The following INTS8 variants were observed in gnomAD, a reference collection of about 807,000 sequenced individuals.
The protein encoded by INTS8 is protein kaonashi-1.
In INTS8, 47 loss-of-function variants were observed where a neutral mutation model predicts 138.9. That is an observed-to-expected ratio of 0.34 (90% CI 0.27 to 0.43). The LOEUF (loss-of-function observed/expected upper bound fraction) is 0.43, where lower values mean the gene tolerates loss of function less well. INTS8 is among the 20% of genes least tolerant of loss of function. The pLI, the probability that INTS8 is intolerant of heterozygous loss-of-function variation, is 1.00. For missense variants in INTS8, 996 were observed against 1,173.0 expected (o/e 0.85, Z 2.20); for synonymous variants, 392 against 400.9 (o/e 0.98, Z 0.27).
chr8:94,857,071 CTTTTTTTT>C (rs376956021), intron 15 of INTS8, 93 bp downstream of exon 15: 4 of 546,876 alleles, frequency 7.3e-6, no homozygotes, highest in African/African-American at 2.2e-5. Context: ...AGTTTGTAAT[CTTTTTTTT>C]TTTTTTTTTT....
Position 94,867,166 on chromosome 8 carries a change from ATCAC to A in INTS8, c.2325_2328del (p.Phe777Ter). 6.2e-7 allele frequency: 1 copy of A among 1,610,504 alleles called. No homozygotes were observed. The highest frequency in any genetic ancestry group is 8.5e-7 in the Non-Finnish European group (1 of 1,178,036). On this transcript the variant is annotated frameshift_variant, in exon 19 of 27. Transcript: ENST00000523731. LOFTEE classifies it high-confidence loss of function. Reference sequence around the variant, plus strand: ...AACCACTCGTTTTGACTATTATTTTATCACTCTTTGTGAAACTTCACAATGTTCG... The same window carrying A: ...AACCACTCGTTTTGACTATTATTTTATCTTTGTGAAACTTCACAATGTTCG...
At chr8:94,858,972 A>G (rs1815852772) in intron 15 of INTS8, among the ~76,000 whole-genome samples, 1 of 152,176 alleles carries the variant, frequency 6.6e-6, no homozygotes, top group Non-Finnish European at 1.5e-5. Flanking sequence ...ACAGTGTTTA[A>G]AATAAGAAGG....
intron 15 of INTS8, among the ~76,000 whole-genome samples, chr8:94,858,159 A>C (rs1815822198): frequency 6.6e-6 from 1 of 152,250 alleles, no homozygotes; most frequent in Non-Finnish European, 1.5e-5. Flanking sequence ...CTGCTTTAGA[A>C]GTATTTAGAG....
intron 13 of INTS8, among the ~76,000 whole-genome samples, chr8:94,852,255 T>C (rs1439366402): frequency 6.6e-6 from 1 of 152,138 alleles, no homozygotes; most frequent in African/African-American, 2.4e-5. Context: ...ATTTTAAATA[T>C]AGTTGTAAAT....
chr8:94,873,608 A>C, intron 22 of INTS8, 131 bp downstream of exon 22: 1 of 661,078 alleles, frequency 1.5e-6, no homozygotes, highest in Admixed American at 2.6e-5. Flanking sequence ...TCTAGAACAC[A>C]TTGCTCTGTG....
chr8:94,867,238 TTTC>T, intron 19 of INTS8, 35 bp from the exon 20 acceptor site: 1 of 1,600,818 alleles, frequency 6.2e-7, no homozygotes, highest in Non-Finnish European at 8.5e-7. Flanking sequence ...TTAAAAGAAA[TTTC>T]TTTGTAAATC....
intron 13 of INTS8, among the ~76,000 whole-genome samples, chr8:94,853,584 T>C (rs932448397): frequency 2.0e-5 from 3 of 152,218 alleles, no homozygotes; most frequent in African/African-American, 7.2e-5. Flanking sequence ...TGTGCCTTTT[T>C]TTCCTAATAG....
intron 7 of INTS8, 98 bp from the exon 8 acceptor site, chr8:94,838,365 G>T: frequency 9.6e-7 from 1 of 1,038,076 alleles, no homozygotes. Flanking sequence ...TGAATTTTTC[G>T]TTAGCATTTC....
Position 94,841,494 on chromosome 8 carries a change from G to A in INTS8, c.1021G>A (p.Val341Ile). 1 of 1,562,224 alleles carries A rather than the reference G, an allele frequency of 6.4e-7. No individual in the cohort carries two copies. Among genetic ancestry groups the A allele is most frequent in the Non-Finnish European group, 8.8e-7 (1 of 1,137,350 alleles). ...CAACTTTATGTGTGTGTTCTAGGAG[G>A]TAATACAGATTTTCATTGAAGACAA... is the stretch of plus-strand genomic sequence containing the variant. Reference protein sequence around the residue: ...ICLRSGNYQEVIQIFIEDNLT... With the variant: ...ICLRSGNYQEIIQIFIEDNLT... The change falls in exon 9 of 27, where the codon GTA (valine) becomes ATA (isoleucine). Residue 341 changes from valine to isoleucine, a missense_variant. Transcript: ENST00000523731.
chr8:94,823,588 G>T, intron 1 of INTS8, 27 bp downstream of exon 1: 1 of 1,502,238 alleles, frequency 6.7e-7, no homozygotes, highest in Non-Finnish European at 9.0e-7. Context: ...CACCTGGGGA[G>T]CGGGACCCGG....
intron 6 of INTS8, among the ~76,000 whole-genome samples, chr8:94,832,716 A>G (rs944365352): frequency 1.3e-5 from 2 of 151,700 alleles, no homozygotes; most frequent in African/African-American, 2.4e-5. Context: ...GTGCAGTGGC[A>G]TGATCTCAGC....
Position 94,866,179 on chromosome 8 carries a change from C to CA in INTS8, c.2289dup (p.Leu764IlefsTer27). The CA allele has an allele frequency of 7.6e-7, 1 of 1,314,162 alleles. No homozygotes were observed. The highest frequency in any genetic ancestry group is 1.1e-6 in the Non-Finnish European group (1 of 927,404). The allele number at this position is 1,314,162 out of a possible 1,614,324, so 81.4% of individuals were successfully genotyped here. On this transcript the variant is annotated frameshift_variant, in exon 18 of 27. Coordinates refer to ENST00000523731, the MANE Select transcript of INTS8 (RefSeq NM_017864.4). LOFTEE classifies it high-confidence loss of function. ...GTAGGAGTGAACTGCTTTCTTTTAT[C>CA]AAAAAATTACGAGTAAGTTTTATTA...
chr8:94,873,689 G>C, intron 22 of INTS8: 1 of 482,090 alleles, frequency 2.1e-6, no homozygotes, highest in Non-Finnish European at 3.7e-6. Context: ...AATTCAACTT[G>C]TCCAAACTGA....
chr8:94,867,378 G>A (rs1318819422), intron 20 of INTS8, 41 bp downstream of exon 20: 1 of 1,490,466 alleles, frequency 6.7e-7, no homozygotes, highest in Non-Finnish European at 9.3e-7. Context: ...ATTGAGTTAT[G>A]TATTTGGAAA....
chr8:94,832,080 T>C lies in INTS8; in HGVS notation c.659T>C (p.Leu220Pro). ...KDLYVHTMRT[L>P]DLLAMEPGMV... ...CTTTATGTCCATACGATGAGAACTC[T>C]AGATTTATTGGCCATGGAACCAGGC... Residue 220 changes from leucine (L) to proline (P), a missense_variant, in exon 6 of 27, where the codon CTA becomes CCA. Leu to Pro is a moderately conservative substitution (Grantham distance 98). Coordinates refer to ENST00000523731, the MANE Select transcript of INTS8 (RefSeq NM_017864.4). 1.9e-6 allele frequency: 3 copies of C among 1,613,846 alleles called. No individual in the cohort carries two copies. The highest frequency in any genetic ancestry group is 2.5e-6 in the Non-Finnish European group (3 of 1,179,832).
intron 4 of INTS8, among the ~76,000 whole-genome samples, chr8:94,828,045 GT>G (rs67211071): frequency 0.3 from 42,172 of 141,578 alleles, 6,154 homozygotes; most frequent in African/African-American, 0.42. Flanking sequence ...TTTTTTTTTT[GT>G]TTTTTTTTTT....
At chr8:94,871,820 A>G (rs2131071993) in intron 20 of INTS8, 64 bp from the exon 21 acceptor site, 1 of 871,820 alleles carries the variant, frequency 1.1e-6, no homozygotes, top group East Asian at 2.4e-5. Context: ...TTTAATAAAT[A>G]CATGCATGGA....
chr8:94,823,574 C>T lies in INTS8; in HGVS notation c.130+13C>T, dbSNP rs1269247062. 5 of 1,551,262 alleles carry T rather than the reference C, an allele frequency of 3.2e-6. No homozygotes were observed. The South Asian group carries it at 5.9e-5, about 18-fold the overall frequency. ...AAGCCCTGCCCGGGTGAGCGCGGCG[C>T]CTGCACCTGGGGAGCGGGACCCGGC... On this transcript the variant is annotated intron_variant, in intron 1 of 26. Transcript: ENST00000523731.
intron 3 of INTS8, 98 bp from the exon 4 acceptor site, chr8:94,827,624 G>C: frequency 9.1e-7 from 1 of 1,102,398 alleles, no homozygotes; most frequent in African/African-American, 1.6e-5. Context: ...GTCAATTAAT[G>C]CTTCATATAA....
Sources: allele counts gnomAD v4.1 joint callset (sites outside exome capture counted in the v4.1 genomes callset), GRCh38; gene constraint gnomAD v4.1.1; transcripts MANE v1.5; gene names NCBI Gene and HGNC (gene_info 2026-07-23, HGNC 2026-07-21).